SLC2A9: variants seen among roughly 807,000 people sequenced by gnomAD.
SLC2A9 encodes solute carrier family 2, facilitated glucose transporter member 9.
In SLC2A9, 39 loss-of-function variants were observed where a neutral mutation model predicts 50.6. The observed-to-expected ratio is 0.77, with a 90% CI of 0.60 to 1.01. The LOEUF (loss-of-function observed/expected upper bound fraction) is 1.01, where lower values mean the gene tolerates loss of function less well. SLC2A9 is among the 50% of genes least tolerant of loss of function. The pLI is 0.00. For missense variants in SLC2A9, 686 were observed against 677.6 expected (o/e 1.01, Z -0.14); for synonymous variants, 324 against 276.9 (o/e 1.17, Z -1.69).
At chr4:9,814,717 A>T (rs1258962303) in intron 3 of SLC2A9, among the ~76,000 whole-genome samples, 1 of 152,086 alleles carries the variant, frequency 6.6e-6, no homozygotes, top group African/African-American at 2.4e-5. Context: ...GGGCTTCCTC[A>T]TGTGATGACA....
chr4:9,789,919 A>G (rs544308343), intron 3 of SLC2A9, among the ~76,000 whole-genome samples: 1 of 152,322 alleles, frequency 6.6e-6, no homozygotes, highest in Admixed American at 6.5e-5. Flanking sequence ...CACTCCACCA[A>G]CACTGACAGA....
intron 3 of SLC2A9, among the ~76,000 whole-genome samples, chr4:9,815,287 G>T (rs974467929): frequency 1.3e-5 from 2 of 152,230 alleles, no homozygotes; most frequent in Non-Finnish European, 2.9e-5. Context: ...GCGCCCCACA[G>T]ATACAACTTG....
chr4:9,835,783 G>T (rs1258408265), intron 10 of SLC2A9, among the ~76,000 whole-genome samples: 2 of 152,062 alleles, frequency 1.3e-5, no homozygotes. Context: ...AGGATGCAAA[G>T]GCATAAGAAT....
chr4:9,827,928 G>A (rs960449933), intron 11 of SLC2A9, among the ~76,000 whole-genome samples: 7 of 152,258 alleles, frequency 4.6e-5, no homozygotes, highest in African/African-American at 1.7e-4. Flanking sequence ...CTGAGCATCT[G>A]TTTCCTCATT....
intron 10 of SLC2A9, among the ~76,000 whole-genome samples, chr4:9,857,563 A>G (rs560734223): frequency 6.6e-6 from 1 of 152,324 alleles, no homozygotes; most frequent in Admixed American, 6.5e-5. Context: ...CACAAGCCAG[A>G]AGGGCTGTGG....
downstream of SLC2A9, among the ~76,000 whole-genome samples, chr4:9,825,472 G>A (rs1724983954): frequency 6.6e-6 from 1 of 151,986 alleles, no homozygotes. Flanking sequence ...GTAAACATGA[G>A]GTACATGTGC....
In SLC2A9 at chr4:9,782,040, C is replaced by G. The variant is rs750197120; in HGVS notation, n.386-1975G>C. The G allele has an allele frequency of 8.2e-6, 12 of 1,470,970 alleles. No homozygotes were observed. In the East Asian group the frequency reaches 2.6e-4, roughly 32 times the overall value. The allele number at this position is 1,470,970 out of a possible 1,614,324, so 91.1% of individuals were successfully genotyped here. A position where few individuals can be genotyped will look rare whatever the true frequency, so the allele number is the denominator to read the frequency against. On this transcript the variant is annotated intron_variant and non_coding_transcript_variant, in intron 3 of 3. Coordinates refer to the SLC2A9 transcript ENST00000503803. ...GCAGTCCAGCCCGAAATGCTGCCGC[C>G]AGGCAGCAACGGCACCGCGTACCCG... is the stretch of plus-strand genomic sequence containing the variant.
intron 5 of SLC2A9, among the ~76,000 whole-genome samples, chr4:9,970,741 C>A (rs557690648): frequency 6.2e-4 from 94 of 152,056 alleles, no homozygotes; most frequent in African/African-American, 2.2e-3. Flanking sequence ...GTTTTATACT[C>A]AGTACCTGTT....
intron 10 of SLC2A9, among the ~76,000 whole-genome samples, chr4:9,886,836 G>A (rs948462184): frequency 1.3e-5 from 2 of 152,204 alleles, no homozygotes; most frequent in Admixed American, 6.5e-5. Context: ...GTGGACACAG[G>A]GCCAGGGAAT....
intron 2 of SLC2A9, among the ~76,000 whole-genome samples, chr4:9,999,114 CACAGCT>C (rs1404067651): frequency 3.4e-5 from 5 of 147,810 alleles, no homozygotes; most frequent in Non-Finnish European, 7.4e-5. Flanking sequence ...GTGGCATGAT[CACAGCT>C]CACTGCAGAT....
chr4:9,826,943 C>T (rs1482831175), intron 11 of SLC2A9, among the ~76,000 whole-genome samples: 1 of 152,182 alleles, frequency 6.6e-6, no homozygotes, highest in Non-Finnish European at 1.5e-5. Context: ...ACCACATTGT[C>T]TTCTTGCTTC....
At chr4:9,958,309 C>T (rs1299888624) in intron 5 of SLC2A9, among the ~76,000 whole-genome samples, 3 of 151,900 alleles carry the variant, frequency 2.0e-5, no homozygotes, top group South Asian at 4.2e-4. Flanking sequence ...GAAAATAAAC[C>T]AAGAAAAAAA....
intron 3 of SLC2A9, among the ~76,000 whole-genome samples, chr4:9,992,054 T>C (rs532007755): frequency 7.2e-5 from 11 of 152,152 alleles, no homozygotes; most frequent in Non-Finnish European, 1.3e-4. Context: ...AAAGCAAAAA[T>C]AGTCCTTTTG....
At chr4:10,026,079 G>A (rs1204189165), upstream of SLC2A9, 61 of 1,122,428 alleles carry the variant, frequency 5.4e-5, no homozygotes, top group Non-Finnish European at 7.4e-5. Context: ...GAGGTGGCCT[G>A]GAGCAGTCTT....
chr4:9,948,097 C>T (rs1257638297), intron 5 of SLC2A9, among the ~76,000 whole-genome samples: 1 of 152,096 alleles, frequency 6.6e-6, no homozygotes, highest in Non-Finnish European at 1.5e-5. Flanking sequence ...CTGTAGGTGG[C>T]CACTTATTTC....
rs79397574 is a variant in SLC2A9, at chr4:9,959,920, G to A, written c.682-17875C>T. On this transcript the variant is annotated intron_variant, in intron 5 of 11. Coordinates refer to ENST00000264784, the MANE Select transcript of SLC2A9 (RefSeq NM_020041.3). ...GTCACATTCAGGGTCCGACTTGACT[G>A]CTAGATGAATTTGGTGGTAGGCAGG... 1.3e-3 allele frequency among the ~76,000 whole-genome samples: 204 copies of A among 152,288 alleles called. 4 individuals are homozygous for A. The highest frequency in any genetic ancestry group is 4.6e-3 in the African/African-American group (193 of 41,558).
At chr4:9,800,888 T>C (rs1721309705) in intron 3 of SLC2A9, among the ~76,000 whole-genome samples, 1 of 152,140 alleles carries the variant, frequency 6.6e-6, no homozygotes, top group Non-Finnish European at 1.5e-5. Flanking sequence ...CCAATAGCCA[T>C]GGATACCGAG....
At chr4:9,869,504 C>T (rs1733054502) in intron 10 of SLC2A9, among the ~76,000 whole-genome samples, 1 of 152,230 alleles carries the variant, frequency 6.6e-6, no homozygotes, top group South Asian at 2.1e-4. Flanking sequence ...CCCCTCCTCA[C>T]ATTTGCCCAG....
upstream of SLC2A9, among the ~76,000 whole-genome samples, chr4:10,022,383 A>G (rs905347020): frequency 6.6e-6 from 1 of 152,128 alleles, no homozygotes; most frequent in African/African-American, 2.4e-5. Context: ...CTTAGTCGTT[A>G]CTCTGTCCTG....
Sources: allele counts gnomAD v4.1 joint callset (sites outside exome capture counted in the v4.1 genomes callset), GRCh38; gene constraint gnomAD v4.1.1; transcripts MANE v1.5; gene names NCBI Gene and HGNC (gene_info 2026-07-23, HGNC 2026-07-21).